USP34: variants seen among roughly 807,000 people sequenced by gnomAD.
USP34 encodes the protein ubiquitin specific peptidase 34.
In USP34, 70 loss-of-function variants were observed where a neutral mutation model predicts 460.3. The ratio of observed to expected loss-of-function variants is 0.15; its 90% CI spans 0.13 to 0.19. The LOEUF (loss-of-function observed/expected upper bound fraction) is 0.19, where lower values mean the gene tolerates loss of function less well. Among genes scored for constraint, USP34 ranks in the 10% least tolerant of loss-of-function variants. USP34 has a pLI of 1.00. For synonymous variants in USP34, 1,647 were observed against 1,405.3 expected (o/e 1.17, Z -3.85); for missense variants, 3,985 against 4,236.2 (o/e 0.94, Z 1.65).
intron 2 of USP34, among the ~76,000 whole-genome samples, chr2:61,406,541 A>G (rs567198703): frequency 6.6e-6 from 1 of 152,258 alleles, no homozygotes; most frequent in East Asian, 1.9e-4. Context: ...TCAACTAATA[A>G]AACAGCCACA....
chr2:61,271,012 G>A (rs537966741), intron 41 of USP34, among the ~76,000 whole-genome samples: 21 of 152,104 alleles, frequency 1.4e-4, no homozygotes, highest in Admixed American at 3.9e-4. Flanking sequence ...GGCCAGGCGC[G>A]GTGGCTCATG....
intron 2 of USP34, among the ~76,000 whole-genome samples, chr2:61,406,792 G>A (rs191736292): frequency 2.0e-4 from 31 of 151,482 alleles, no homozygotes; most frequent in Non-Finnish European, 3.1e-4. Context: ...ATCATTTGAG[G>A]TCAGGAGTTC....
In USP34 at chr2:61,311,919, T is replaced by C. The variant is rs756194666; in HGVS notation, c.3543-9A>G. 2 of 1,611,012 alleles carry C rather than the reference T, an allele frequency of 1.2e-6. No homozygotes were observed. On this transcript the variant is annotated splice_polypyrimidine_tract_variant and intron_variant, in intron 25 of 79. Coordinates refer to ENST00000398571, the MANE Select transcript of USP34 (RefSeq NM_014709.4). Reference sequence around the variant, plus strand: ...TCAGATGATATGCAAACCTAAAACATGACACAAACAACACATAGAAAGGAT... The same window carrying C: ...TCAGATGATATGCAAACCTAAAACACGACACAAACAACACATAGAAAGGAT...
At chr2:61,401,511 T>C (rs1042467047) in intron 3 of USP34, among the ~76,000 whole-genome samples, 6 of 151,162 alleles carry the variant, frequency 4.0e-5, no homozygotes, top group African/African-American at 1.5e-4. Flanking sequence ...ATGCTGGGAT[T>C]ACAGGTGTGA....
At chr2:61,358,954 A>T (rs1157730312) in intron 10 of USP34, among the ~76,000 whole-genome samples, 1 of 152,214 alleles carries the variant, frequency 6.6e-6, no homozygotes, top group East Asian at 1.9e-4. Flanking sequence ...TGCTAAAATA[A>T]ATTAAAAACC....
chr2:61,416,760 T>G (rs189073451), intron 2 of USP34: 3 of 382,718 alleles, frequency 7.8e-6, no homozygotes, highest in African/African-American at 6.4e-5. Flanking sequence ...ATTAAATTAA[T>G]AAAATGATGA....
At chr2:61,413,411 T>C (rs1241027134) in intron 2 of USP34, among the ~76,000 whole-genome samples, 1 of 116,758 alleles carries the variant, frequency 8.6e-6, no homozygotes, top group Non-Finnish European at 1.8e-5. Context: ...AATAAAAAAA[T>C]AAAAAAACAA....
intron 27 of USP34, among the ~76,000 whole-genome samples, chr2:61,303,354 C>A (rs904245493): frequency 7.3e-5 from 11 of 151,516 alleles, no homozygotes; most frequent in Admixed American, 6.6e-5. Flanking sequence ...CCATGAGCCA[C>A]CACGGCCCAG....
At chr2:61,290,007 C>G (rs1478756014) in intron 33 of USP34, among the ~76,000 whole-genome samples, 2 of 152,076 alleles carry the variant, frequency 1.3e-5, no homozygotes, top group Non-Finnish European at 2.9e-5. Flanking sequence ...AAAGACTTCT[C>G]CATAATATTT....
chr2:61,343,784 G>GT (rs750678949), intron 16 of USP34, 31 bp downstream of exon 16: 1 of 1,583,116 alleles, frequency 6.3e-7, no homozygotes, highest in Non-Finnish European at 8.7e-7. Context: ...TGTGAAGAAG[G>GT]TAATATATTT....
intron 48 of USP34, among the ~76,000 whole-genome samples, chr2:61,253,038 G>A (rs1452204217): frequency 1.3e-5 from 2 of 152,122 alleles, no homozygotes; most frequent in Admixed American, 1.3e-4. Context: ...AGTTACTGAG[G>A]TAAAATGAAT....
chr2:61,457,093 T>TG (rs1263911740), intron 1 of USP34, among the ~76,000 whole-genome samples: 1 of 151,942 alleles, frequency 6.6e-6, no homozygotes, highest in Non-Finnish European at 1.5e-5. Flanking sequence ...CTGGGTAACA[T>TG]GGTGAAACCC....
chr2:61,395,683 G>A (rs1292849522), intron 3 of USP34, among the ~76,000 whole-genome samples: 4 of 149,410 alleles, frequency 2.7e-5, no homozygotes, highest in Admixed American at 2.7e-4. Context: ...CTACTCGGGA[G>A]GCTGAGGCAG....
At chr2:61,239,830 A>G (rs1688194177) in intron 53 of USP34, among the ~76,000 whole-genome samples, 1 of 152,056 alleles carries the variant, frequency 6.6e-6, no homozygotes, top group Admixed American at 6.5e-5. Context: ...AACACAGTGA[A>G]ACCCCTCTCT....
intron 62 of USP34, among the ~76,000 whole-genome samples, chr2:61,226,111 GCCA>G (rs924605396): frequency 3.3e-5 from 5 of 152,202 alleles, no homozygotes; most frequent in African/African-American, 1.2e-4. Context: ...ACAGGCGTGT[GCCA>G]CCACACCTGG....
intron 71 of USP34, 38 bp from the exon 72 acceptor site, chr2:61,206,162 G>T (rs1442746343): frequency 2.0e-6 from 3 of 1,532,426 alleles, no homozygotes; most frequent in African/African-American, 1.4e-5. Flanking sequence ...TGCCATCTGA[G>T]ATCAAACTTC....
intron 21 of USP34, among the ~76,000 whole-genome samples, chr2:61,322,629 G>A (rs1690961488): frequency 6.6e-6 from 1 of 152,206 alleles, no homozygotes; most frequent in African/African-American, 2.4e-5. Flanking sequence ...ATTGGGAAAA[G>A]TAGATGAAAT....
chr2:61,264,914 A>G (rs1689002038), intron 43 of USP34, among the ~76,000 whole-genome samples: 1 of 152,110 alleles, frequency 6.6e-6, no homozygotes, highest in African/African-American at 2.4e-5. Flanking sequence ...GAAAACTAGA[A>G]AGTGAATAAA....
Position 61,214,079 on chromosome 2 carries a change from T to C in USP34, c.8663A>G (p.His2888Arg). 6.2e-7 allele frequency: 1 copy of C among 1,614,252 alleles called. No homozygotes were observed. Among genetic ancestry groups the C allele is most frequent in the Non-Finnish European group, 8.5e-7 (1 of 1,180,034 alleles). The change falls in exon 68 of 80, where the codon CAT (histidine) becomes CGT (arginine). Residue 2888 changes from histidine (H) to arginine (R), a missense_variant. His to Arg is a conservative substitution (Grantham distance 29). This residue lies in a region of USP34 where 275 missense variants were observed against 292.7 expected (regional missense o/e 0.94). Coordinates refer to ENST00000398571, the MANE Select transcript of USP34 (RefSeq NM_014709.4). ...ACTCACTCCAGGGTATTGGCTGGCATGTGGTGTAAGATTCTTAAAGGCCCA... is the reference window on the plus strand; with the variant it reads ...ACTCACTCCAGGGTATTGGCTGGCACGTGGTGTAAGATTCTTAAAGGCCCA... The part of the protein sequence containing the change: ...IQWAFKNLTP[H>R]ASQYPGAVEE...
Sources: allele counts gnomAD v4.1 joint callset (sites outside exome capture counted in the v4.1 genomes callset), GRCh38; gene constraint gnomAD v4.1.1; regional missense constraint gnomAD v4.1.1; transcripts MANE v1.5; gene names NCBI Gene and HGNC (gene_info 2026-07-23, HGNC 2026-07-21).